The following NAT1 variants were observed in gnomAD, a reference collection of about 807,000 sequenced individuals.
The protein encoded by NAT1 is arylamine N-acetyltransferase 1.
For synonymous variants in NAT1, 144 were observed against 122.6 expected, an observed-to-expected ratio of 1.17 and a Z score of -1.16; for missense variants, 400 against 339.2, an observed-to-expected ratio of 1.18 and a Z score of -1.41.
intron 2 of NAT1, among the ~76,000 whole-genome samples, chr8:18,202,197 T>G (rs1410896974): frequency 6.6e-6 from 1 of 152,236 alleles, no homozygotes; most frequent in African/African-American, 2.4e-5. Flanking sequence ...CCTTTACCTG[T>G]GTCCTTCTTT....
rs1802280528 is a variant in NAT1, at chr8:18,175,970, C to A, written n.92+5231C>A. Among the ~76,000 whole-genome samples the A allele has an allele frequency of 2.6e-5, 4 of 152,184 alleles. No homozygotes were observed. The South Asian group carries it at 8.3e-4, about 32-fold the overall frequency. On this transcript the variant is annotated intron_variant and non_coding_transcript_variant, in intron 2 of 4. Transcript: ENST00000517441. ...TTCCCTGATGATTAAAGATTCTGAG[C>A]ATTTTTCATGTATCTGTTAGCCATT...
At chr8:18,207,865 C>A (rs1046177845), upstream of NAT1, among the ~76,000 whole-genome samples, 2 of 152,154 alleles carry the variant, frequency 1.3e-5, no homozygotes, top group African/African-American at 2.4e-5. Flanking sequence ...GGAATCAACC[C>A]AAATGCCTGT....
At position 18,204,747 on chromosome 8, in the gene NAT1, C is replaced by A. The variant is rs192677926; in HGVS notation, n.93-5034C>A. On this transcript the variant is annotated intron_variant and non_coding_transcript_variant, in intron 2 of 4. Transcript: ENST00000517441. Reference sequence around the variant, plus strand: ...CAATATACATAATTAAAACTAATAGCCATAAGAGAATCAATTCTACATACA... The same window carrying A: ...CAATATACATAATTAAAACTAATAGACATAAGAGAATCAATTCTACATACA... 6.6e-3 allele frequency among the ~76,000 whole-genome samples: 1,004 copies of A among 151,932 alleles called. 3 individuals carry two copies. Among genetic ancestry groups the A allele is most frequent in the Middle Eastern group, 0.014 (4 of 288 alleles).
At chr8:18,220,729 C>G (rs1012966247) in intron 2 of NAT1, among the ~76,000 whole-genome samples, 2 of 152,092 alleles carry the variant, frequency 1.3e-5, no homozygotes, top group Admixed American at 6.6e-5. Flanking sequence ...ATGAATACCC[C>G]ACCAGCTTCT....
chr8:18,188,825 T>A (rs961215553), intron 2 of NAT1, among the ~76,000 whole-genome samples: 1 of 150,908 alleles, frequency 6.6e-6, no homozygotes, highest in East Asian at 2.0e-4. Context: ...TGAAACCCCG[T>A]CTCTACTAAA....
At chr8:18,183,046 A>G (rs554370072) in intron 2 of NAT1, among the ~76,000 whole-genome samples, 13 of 152,188 alleles carry the variant, frequency 8.5e-5, no homozygotes, top group Non-Finnish European at 1.0e-4. Flanking sequence ...AGAATAACAC[A>G]GATGGAGTAA....
At chr8:18,184,189 C>G (rs1369356915) in intron 2 of NAT1, among the ~76,000 whole-genome samples, 1 of 152,170 alleles carries the variant, frequency 6.6e-6, no homozygotes, top group African/African-American at 2.4e-5. Context: ...GAAATTCATG[C>G]CTCCTCAGCT....
At chr8:18,209,419 A>G (rs1803882121), upstream of NAT1, among the ~76,000 whole-genome samples, 1 of 152,266 alleles carries the variant, frequency 6.6e-6, no homozygotes. Flanking sequence ...GTATGTATGT[A>G]TAAGAACACC....
intron 2 of NAT1, among the ~76,000 whole-genome samples, chr8:18,183,967 G>A (rs1802624436): frequency 6.6e-6 from 1 of 152,150 alleles, no homozygotes; most frequent in South Asian, 2.1e-4. Context: ...CTCATGAGTT[G>A]GAGTCTCATG....
At chr8:18,206,068 G>A (rs1448134908), upstream of NAT1, among the ~76,000 whole-genome samples, 1 of 152,226 alleles carries the variant, frequency 6.6e-6, no homozygotes, top group African/African-American at 2.4e-5. Flanking sequence ...ACATCGGCTG[G>A]TTTGCTGCCT....
At chr8:18,177,160 A>G (rs1236823641) in intron 2 of NAT1, among the ~76,000 whole-genome samples, 2 of 152,042 alleles carry the variant, frequency 1.3e-5, no homozygotes, top group East Asian at 1.9e-4. Flanking sequence ...AGACAGTCTC[A>G]TTTATTCCTT....
chr8:18,192,518 C>A (rs1249049731), intron 2 of NAT1, among the ~76,000 whole-genome samples: 1 of 152,160 alleles, frequency 6.6e-6, no homozygotes, highest in African/African-American at 2.4e-5. Context: ...ATAAATCATG[C>A]TGCTATAAAG....
intron 2 of NAT1, among the ~76,000 whole-genome samples, chr8:18,196,837 C>G (rs1412673534): frequency 1.3e-5 from 2 of 152,064 alleles, no homozygotes; most frequent in African/African-American, 4.8e-5. Context: ...ATAATAAAAA[C>G]TAGTATCTGT....
intron 2 of NAT1, among the ~76,000 whole-genome samples, chr8:18,175,471 G>T (rs764821303): frequency 1.2e-4 from 18 of 151,960 alleles, no homozygotes; most frequent in Non-Finnish European, 2.2e-4. Flanking sequence ...TACAGTATTT[G>T]TTTCCATGAC....
At chr8:18,171,801 C>T (rs1320603619) in intron 2 of NAT1, among the ~76,000 whole-genome samples, 1 of 152,130 alleles carries the variant, frequency 6.6e-6, no homozygotes, top group African/African-American at 2.4e-5. Context: ...GGGACTGAAA[C>T]AGTATTAACT....
intron 2 of NAT1, among the ~76,000 whole-genome samples, chr8:18,181,424 T>C (rs1271304849): frequency 1.3e-5 from 2 of 152,326 alleles, no homozygotes; most frequent in Admixed American, 6.5e-5. Flanking sequence ...TGATTTTGCA[T>C]CTTGCAACTT....
intron 1 of NAT1, among the ~76,000 whole-genome samples, chr8:18,218,987 C>T (rs1347725696): frequency 7.9e-5 from 12 of 151,918 alleles, no homozygotes; most frequent in African/African-American, 9.7e-5. Context: ...CTCAACATGC[C>T]GAATTATAGC....
chr8:18,197,057 G>C (rs1310259486), intron 2 of NAT1, among the ~76,000 whole-genome samples: 1 of 152,164 alleles, frequency 6.6e-6, no homozygotes, highest in African/African-American at 2.4e-5. Flanking sequence ...CAAAAGGGAA[G>C]CAGGCACCTT....
chr8:18,187,755 C>T (rs1802801597), intron 2 of NAT1, among the ~76,000 whole-genome samples: 1 of 151,970 alleles, frequency 6.6e-6, no homozygotes, highest in African/African-American at 2.4e-5. Context: ...CTGTAGGGTA[C>T]TATGCATATT....
Sources: allele counts gnomAD v4.1 joint callset (sites outside exome capture counted in the v4.1 genomes callset), GRCh38; gene constraint gnomAD v4.1.1; transcripts MANE v1.5; gene names NCBI Gene and HGNC (gene_info 2026-07-23, HGNC 2026-07-21).